The following WDR17 variants were observed in gnomAD, a reference collection of about 807,000 sequenced individuals.
The protein encoded by WDR17 is WD repeat domain 17, also known as WD repeat-containing protein 17.
In WDR17, 143 loss-of-function variants were observed where a neutral mutation model predicts 161.7. That is an observed-to-expected ratio of 0.88 (90% CI 0.77 to 1.02). The LOEUF is 1.02. WDR17 is among the 50% of genes least tolerant of loss of function. WDR17 has a pLI of 0.00. For synonymous variants in WDR17, 517 were observed against 515.6 expected, an observed-to-expected ratio of 1.00 and a Z score of -0.04; for missense variants, 1,469 against 1,520.9, an observed-to-expected ratio of 0.97 and a Z score of 0.57.
At chr4:176,142,754 G>A (rs987357746) in intron 11 of WDR17, among the ~76,000 whole-genome samples, 1 of 152,212 alleles carries the variant, frequency 6.6e-6, no homozygotes, top group South Asian at 2.1e-4. Context: ...ATGAAATGTG[G>A]GAAATATAGA....
Position 176,179,675 on chromosome 4 carries a change from G to A in WDR17, c.*96G>A. 1.6e-6 allele frequency: 2 copies of A among 1,278,696 alleles called. No homozygotes were observed. The highest frequency in any genetic ancestry group is 2.6e-5 in the South Asian group (1 of 38,300). 79.2% of individuals were successfully genotyped at this position (1,278,696 alleles called of 1,614,324 possible). On this transcript the variant is annotated 3_prime_UTR_variant, in exon 29 of 29. Transcript: ENST00000508596. ...CTTTGTTGCTCAAGTGCCAGAGGTTGGGAGAAGGATTGCAGGTTGGGAGAG... is the reference window on the plus strand; with the variant it reads ...CTTTGTTGCTCAAGTGCCAGAGGTTAGGAGAAGGATTGCAGGTTGGGAGAG...
At position 176,177,141 on chromosome 4, in the gene WDR17, C is replaced by T; in HGVS notation, c.3533C>T (p.Thr1178Ile). 1 of 1,613,348 alleles carries T rather than the reference C, an allele frequency of 6.2e-7. No homozygotes were observed. Among genetic ancestry groups the T allele is most frequent in the Non-Finnish European group, 8.5e-7 (1 of 1,179,472 alleles). The change falls in exon 27 of 29, where the codon ACA becomes ATA. Residue 1178 changes from threonine (T) to isoleucine (I), a missense_variant. Physicochemically the swap from Thr to Ile is moderately conservative, Grantham distance 89. Transcript: ENST00000508596. ...GAATTGGATGCATGGAGAGCTTGCA[C>T]ACAGTCCACCAACAGGTGAGCAAAT... is the stretch of plus-strand genomic sequence containing the variant. ...SEELDAWRAC[T>I]QSTNRSLEDS...
Position 176,125,370 on chromosome 4 carries a change from A to G in WDR17, c.790+15A>G, listed in dbSNP as rs774920548. On this transcript the variant is annotated intron_variant, in intron 5 of 28. Coordinates refer to ENST00000508596, the MANE Select transcript of WDR17 (RefSeq NM_181265.4). Reference sequence around the variant, plus strand: ...TATAACTGGAGGTAAGCTAATCCCCATAACCCAGAGTTTTAAATACGTGTA... The same window carrying G: ...TATAACTGGAGGTAAGCTAATCCCCGTAACCCAGAGTTTTAAATACGTGTA... 1.9e-6 allele frequency: 3 copies of G among 1,611,658 alleles called. No homozygotes were observed. In the South Asian group the frequency reaches 3.3e-5, roughly 18 times the overall value.
chr4:176,070,837 T>C (rs923692071), intron 1 of WDR17, among the ~76,000 whole-genome samples: 1 of 152,122 alleles, frequency 6.6e-6, no homozygotes, highest in South Asian at 2.1e-4. Flanking sequence ...TTTGTTTTTG[T>C]TTTTTAATAT....
intron 1 of WDR17, among the ~76,000 whole-genome samples, chr4:176,100,490 C>G (rs1016681633): frequency 1.3e-5 from 2 of 151,978 alleles, no homozygotes; most frequent in African/African-American, 4.8e-5. Flanking sequence ...TATTAGTCCC[C>G]TGTTGGATGA....
At chr4:176,166,221 T>C in intron 22 of WDR17, 1 of 440,020 alleles carries the variant, frequency 2.3e-6, no homozygotes, top group Non-Finnish European at 3.9e-6. Flanking sequence ...GAATACTATC[T>C]CTGTATTAAG....
Position 176,151,857 on chromosome 4 carries a change from G to C in WDR17, c.2350G>C (p.Gly784Arg). 6.2e-7 allele frequency: 1 copy of C among 1,608,790 alleles called. No homozygotes were observed. The highest frequency in any genetic ancestry group is 1.1e-5 in the South Asian group (1 of 89,356). ...AACAGTCAAGATGTCTAAATTTGGT[G>C]GTGGTATTGGTGTACCTGCTAAAGA... ...LTTVKMSKFG[G>R]GIGVPAKEER... The change falls in exon 17 of 29, where the codon GGT becomes CGT. Residue 784 changes from glycine to arginine, a missense_variant. Transcript: ENST00000508596.
At chr4:176,118,608 T>C (rs1741030386) in intron 3 of WDR17, among the ~76,000 whole-genome samples, 2 of 152,198 alleles carry the variant, frequency 1.3e-5, no homozygotes, top group Admixed American at 1.3e-4. Flanking sequence ...TTTGTTCATA[T>C]CATTTTCTCT....
chr4:176,159,901 C>A, intron 18 of WDR17, 93 bp from the exon 19 acceptor site: 1 of 1,248,476 alleles, frequency 8.0e-7, no homozygotes, highest in Non-Finnish European at 1.1e-6. Flanking sequence ...ATGAAATCTG[C>A]TACAAATTTT....
intron 4 of WDR17, among the ~76,000 whole-genome samples, chr4:176,124,900 A>G (rs1463212598): frequency 6.6e-6 from 1 of 152,220 alleles, no homozygotes; most frequent in Admixed American, 6.5e-5. Context: ...TTGCCAAAAC[A>G]GAGCATTGAG....
intron 1 of WDR17, chr4:176,068,251 C>T (rs1406579720): frequency 6.6e-6 from 1 of 152,134 alleles, no homozygotes; most frequent in Non-Finnish European, 1.5e-5. Flanking sequence ...CATGTATCTT[C>T]CAGTACGTCT....
In WDR17 at chr4:176,096,623, T is replaced by C. The variant is rs1481188411; in HGVS notation, c.-6-14952T>C. 3.3e-6 allele frequency: 5 copies of C among 1,517,718 alleles called. No individual in the cohort carries two copies. In the South Asian group the frequency reaches 6.1e-5, roughly 18 times the overall value. 94.0% of individuals were successfully genotyped at this position (1,517,718 alleles called of 1,614,324 possible). ...TACTTGTAATTACGATTTCCTGCGATTTTTTTTCTGCTTTGCTTCTCATAT... is the reference window on the plus strand; with the variant it reads ...TACTTGTAATTACGATTTCCTGCGACTTTTTTTCTGCTTTGCTTCTCATAT... On this transcript the variant is annotated intron_variant, in intron 1 of 28. Transcript: ENST00000508596.
At chr4:176,066,252 A>G (rs1029897396) in intron 1 of WDR17, among the ~76,000 whole-genome samples, 173 bp downstream of exon 1, 1 of 152,194 alleles carries the variant, frequency 6.6e-6, no homozygotes. Flanking sequence ...TGAGATAATC[A>G]ACTGAGTTTT....
intron 4 of WDR17, 27 bp from the exon 5 acceptor site, chr4:176,125,077 G>A: frequency 6.2e-7 from 1 of 1,604,264 alleles, no homozygotes; most frequent in South Asian, 1.1e-5. Flanking sequence ...AAGTTTTTTG[G>A]AAATAATTAT....
chr4:176,071,863 A>T (rs974396094), intron 1 of WDR17, among the ~76,000 whole-genome samples: 1 of 152,226 alleles, frequency 6.6e-6, no homozygotes, highest in Non-Finnish European at 1.5e-5. Flanking sequence ...TAAATAGATA[A>T]TAAAGGTAAC....
chr4:176,139,594 C>A (rs1431899291), intron 9 of WDR17, among the ~76,000 whole-genome samples: 2 of 151,922 alleles, frequency 1.3e-5, no homozygotes, highest in African/African-American at 4.8e-5. Flanking sequence ...GAGCTTAATT[C>A]TACAGATGAC....
intron 11 of WDR17, 83 bp from the exon 12 acceptor site, chr4:176,145,889 AGGAAGCAAAAATTCTACTTTTAG>A: frequency 3.7e-6 from 4 of 1,068,286 alleles, no homozygotes; most frequent in Non-Finnish European, 5.1e-6. Context: ...AACTTCACTA[AGGAAGCAAAAATTCTACTTTTAG>A]AAATTAGAAC....
chr4:176,086,956 T>C (rs1735496939), intron 1 of WDR17, among the ~76,000 whole-genome samples: 1 of 151,884 alleles, frequency 6.6e-6, no homozygotes, highest in Non-Finnish European at 1.5e-5. Context: ...CTCATTATGG[T>C]TTAATACAAA....
At chr4:176,136,313 C>T (rs1393907239) in intron 8 of WDR17, among the ~76,000 whole-genome samples, 1 of 151,628 alleles carries the variant, frequency 6.6e-6, no homozygotes, top group African/African-American at 2.4e-5. Context: ...CTGTAGGTTA[C>T]CTTGGCTAGC....
Sources: gnomAD v4.1 joint callset for allele counts (sites outside exome capture counted in the v4.1 genomes callset) on GRCh38, gnomAD v4.1.1 for gene constraint, MANE v1.5 for transcripts, NCBI Gene and HGNC (gene_info 2026-07-23, HGNC 2026-07-21) for gene names.